PTPRK: variants seen among roughly 807,000 people sequenced by gnomAD.
PTPRK encodes the protein protein tyrosine phosphatase receptor type K, also known as receptor-type tyrosine-protein phosphatase kappa.
PTPRK carries 75 observed loss-of-function variants against 178.0 expected under a neutral mutation model. The observed-to-expected ratio is 0.42, with a 90% CI of 0.35 to 0.51. The LOEUF is 0.51. Among genes scored for constraint, PTPRK ranks in the 20% least tolerant of loss-of-function variants. The probability of loss-of-function intolerance (pLI) is 0.02; values close to 1 mark genes in which losing one functional copy is unlikely to be tolerated. For missense variants in PTPRK, 1,441 were observed against 1,797.8 expected, an observed-to-expected ratio of 0.80 and a Z score of 3.59; for synonymous variants, 637 against 620.6, an observed-to-expected ratio of 1.03 and a Z score of -0.39.
chr6:128,322,423 T>C, intron 2 of PTPRK, 113 bp from the exon 3 acceptor site: 1 of 1,064,894 alleles, frequency 9.4e-7, no homozygotes. Context: ...AAAAAGACTG[T>C]TTTCCAGAAC....
chr6:128,400,417 G>A (rs1216796336), intron 1 of PTPRK, among the ~76,000 whole-genome samples: 1 of 152,068 alleles, frequency 6.6e-6, no homozygotes, highest in Non-Finnish European at 1.5e-5. Flanking sequence ...AGAATACATA[G>A]GAAACTAGGA....
At chr6:128,181,137 T>G (rs1001930759) in intron 7 of PTPRK, among the ~76,000 whole-genome samples, 2 of 152,094 alleles carry the variant, frequency 1.3e-5, no homozygotes, top group Non-Finnish European at 2.9e-5. Context: ...CAAAAAAACC[T>G]ACATTTACAT....
intron 27 of PTPRK, among the ~76,000 whole-genome samples, chr6:127,974,071 A>G (rs2114607042): frequency 6.6e-6 from 1 of 152,332 alleles, no homozygotes; most frequent in African/African-American, 2.4e-5. Context: ...TACTACGATT[A>G]CATTTCCTAA....
chr6:128,156,845 G>C (rs1339419560), intron 7 of PTPRK, among the ~76,000 whole-genome samples: 5 of 151,916 alleles, frequency 3.3e-5, no homozygotes, highest in Non-Finnish European at 7.4e-5. Context: ...ATGCATGTCT[G>C]TCACACTGGC....
At chr6:128,450,050 G>A (rs1433644199) in intron 1 of PTPRK, among the ~76,000 whole-genome samples, 5 of 151,696 alleles carry the variant, frequency 3.3e-5, no homozygotes, top group African/African-American at 4.8e-5. Context: ...GGGCGGGGGC[G>A]GAGGTTGCAG....
intron 14 of PTPRK, among the ~76,000 whole-genome samples, chr6:128,006,615 C>T (rs1336671612): frequency 1.3e-5 from 2 of 150,864 alleles, no homozygotes; most frequent in Non-Finnish European, 3.0e-5. Context: ...GATACTTCTA[C>T]AGTAGATGCA....
chr6:128,228,614 C>T (rs1346765250), intron 5 of PTPRK, among the ~76,000 whole-genome samples: 1 of 147,024 alleles, frequency 6.8e-6, no homozygotes, highest in Non-Finnish European at 1.5e-5. Context: ...GAGCGGAGAT[C>T]GCGCCACTAC....
At chr6:128,183,426 T>C (rs541159035) in intron 7 of PTPRK, among the ~76,000 whole-genome samples, 68 of 152,312 alleles carry the variant, frequency 4.5e-4, no homozygotes, top group Middle Eastern at 3.4e-3. Context: ...CAGCAAATTA[T>C]TGGACTCTCT....
intron 1 of PTPRK, among the ~76,000 whole-genome samples, chr6:128,499,761 C>T: frequency 6.6e-6 from 1 of 152,126 alleles, no homozygotes. Context: ...CCATTAAAAC[C>T]AAAGTTTCAT....
chr6:128,064,695 G>A (rs577250682), intron 13 of PTPRK, 63 bp downstream of exon 13: 3 of 1,544,586 alleles, frequency 1.9e-6, no homozygotes, highest in East Asian at 4.7e-5. Flanking sequence ...AGGGAACAAA[G>A]TCCTTCCATT....
chr6:128,378,225 AAACT>A (rs1837375702), intron 2 of PTPRK, among the ~76,000 whole-genome samples: 1 of 152,168 alleles, frequency 6.6e-6, no homozygotes, highest in Non-Finnish European at 1.5e-5. Flanking sequence ...CTTCTGGACA[AAACT>A]GAGTAGTTCC....
intron 7 of PTPRK, among the ~76,000 whole-genome samples, chr6:128,159,165 A>C (rs1583270332): frequency 6.6e-6 from 1 of 151,884 alleles, no homozygotes; most frequent in Non-Finnish European, 1.5e-5. Flanking sequence ...ACAACAACAA[A>C]AAACTTCATG....
rs1222516605 is a variant in PTPRK at position 128,297,966 on chromosome 6, G to A, written c.495+24073C>T. Among the ~76,000 whole-genome samples, 3 of 152,072 alleles carry A rather than the reference G, an allele frequency of 2.0e-5. No individual in the cohort carries two copies. In the East Asian group the frequency reaches 5.8e-4, roughly 29 times the overall value. ...GTTTTTTGAAAGGATCAACAAAATT[G>A]ATAGACTGCTAGCAAGACAAATAAA... On this transcript the variant is annotated intron_variant, in intron 3 of 29. Coordinates refer to ENST00000368226, the MANE Select transcript of PTPRK (RefSeq NM_002844.4).
intron 1 of PTPRK, among the ~76,000 whole-genome samples, chr6:128,466,426 C>T (rs910599519): frequency 7.2e-5 from 11 of 152,138 alleles, no homozygotes; most frequent in Non-Finnish European, 1.5e-4. Context: ...TTTTCTTAAT[C>T]TAGAAAATAA....
At chr6:128,036,813 C>G (rs888630124) in intron 13 of PTPRK, among the ~76,000 whole-genome samples, 1 of 151,818 alleles carries the variant, frequency 6.6e-6, no homozygotes, top group African/African-American at 2.4e-5. Flanking sequence ...TCGGCTGCAA[C>G]CTCTGCCTCC....
intron 17 of PTPRK, among the ~76,000 whole-genome samples, chr6:127,996,655 G>A (rs1011966155): frequency 2.6e-5 from 4 of 152,090 alleles, no homozygotes; most frequent in African/African-American, 9.7e-5. Context: ...ATTTTTAGTA[G>A]AAATAGAGTT....
chr6:128,341,165 G>A (rs1028198385), intron 2 of PTPRK, among the ~76,000 whole-genome samples: 1 of 151,988 alleles, frequency 6.6e-6, no homozygotes, highest in Non-Finnish European at 1.5e-5. Context: ...ACTCTAAAAT[G>A]TGATACAGTT....
intron 3 of PTPRK, among the ~76,000 whole-genome samples, chr6:128,248,210 C>T (rs188106579): frequency 1.3e-5 from 2 of 152,250 alleles, no homozygotes; most frequent in East Asian, 3.9e-4. Context: ...ACTTTGTGTC[C>T]TTAAAGCTCA....
intron 1 of PTPRK, among the ~76,000 whole-genome samples, chr6:128,401,866 T>A (rs1401441280): frequency 6.6e-6 from 1 of 152,188 alleles, no homozygotes; most frequent in Non-Finnish European, 1.5e-5. Flanking sequence ...TGCTTGATGA[T>A]CCTCAAAAAT....
Sources: allele counts gnomAD v4.1 joint callset (sites outside exome capture counted in the v4.1 genomes callset), GRCh38; gene constraint gnomAD v4.1.1; transcripts MANE v1.5; gene names NCBI Gene and HGNC (gene_info 2026-07-23, HGNC 2026-07-21).